Variants in RAB10 observed in about 807,000 individuals in gnomAD.
RAB10 encodes ras-related protein Rab-10.
RAB10 carries 5 observed loss-of-function variants against 25.7 expected under a neutral mutation model. That is an observed-to-expected ratio of 0.19 (90% CI 0.10 to 0.41). The LOEUF is 0.41. RAB10 is among the 10% of genes least tolerant of loss of function. The pLI is 1.00. For synonymous variants in RAB10, 89 were observed against 86.4 expected (o/e 1.03, Z -0.16); for missense variants, 103 against 245.8 (o/e 0.42, Z 3.89).
At chr2:26,057,448 A>G (rs78151075) in intron 1 of RAB10, among the ~76,000 whole-genome samples, 6 of 151,646 alleles carry the variant, frequency 4.0e-5, no homozygotes, top group African/African-American at 1.5e-4. Flanking sequence ...AAAAAAAAAA[A>G]TTAAAAAATA....
chr2:26,053,776 A>G (rs1005552544), intron 1 of RAB10, among the ~76,000 whole-genome samples: 17 of 151,952 alleles, frequency 1.1e-4, no homozygotes, highest in African/African-American at 3.9e-4. Flanking sequence ...CTGGAGTGCA[A>G]TGGCACAGTC....
rs1265110457 is a variant in RAB10 at position 26,136,445 on chromosome 2, G to A, written c.*1424G>A. On this transcript the variant is annotated 3_prime_UTR_variant, in exon 6 of 6. Transcript: ENST00000264710. ...CCTTTTGGAAAACTTGTATTACCAT[G>A]GGTTTGGAAAAAGGACAACGAAAGG... The A allele has an allele frequency of 6.6e-6, 1 of 152,532 alleles. No homozygotes were observed. The highest frequency in any genetic ancestry group is 6.6e-5 in the Admixed American group (1 of 15,264). 9.4% of individuals were successfully genotyped at this position (152,532 alleles called of 1,614,324 possible). A position where few individuals can be genotyped will look rare whatever the true frequency, so the allele number is the denominator to read the frequency against.
upstream of RAB10, among the ~76,000 whole-genome samples, chr2:26,033,811 G>C (rs959245976): frequency 6.6e-6 from 1 of 152,050 alleles, no homozygotes; most frequent in African/African-American, 2.4e-5. Context: ...CGGAGGGGGG[G>C]CGCTGCGCCT....
chr2:26,060,981 G>C (rs1461563353), intron 1 of RAB10, among the ~76,000 whole-genome samples: 1 of 150,518 alleles, frequency 6.6e-6, no homozygotes, highest in African/African-American at 2.4e-5. Context: ...AGTGGTTATA[G>C]ACAGACTAGA....
intron 1 of RAB10, among the ~76,000 whole-genome samples, chr2:26,049,411 C>CT (rs113360769): frequency 0.034 from 4,874 of 141,800 alleles, 199 homozygotes; most frequent in African/African-American, 0.099. Context: ...TTTTTTCCCT[C>CT]TTTTTTTTTT....
intron 2 of RAB10, among the ~76,000 whole-genome samples, chr2:26,103,918 T>C (rs1025459526): frequency 6.6e-6 from 1 of 152,204 alleles, no homozygotes; most frequent in Non-Finnish European, 1.5e-5. Flanking sequence ...AGTACTTCAT[T>C]CTTTTTTTTT....
At chr2:26,091,077 G>C (rs888677427) in intron 1 of RAB10, among the ~76,000 whole-genome samples, 1 of 151,986 alleles carries the variant, frequency 6.6e-6, no homozygotes, top group Admixed American at 6.6e-5. Flanking sequence ...TGTTTCTCAG[G>C]GACTCTTTAA....
Position 26,099,144 on chromosome 2 carries a change from C to T in RAB10, c.188+422C>T, listed in dbSNP as rs549969067. ...TGTGTTAGGTTTGCCTGAAGAAGTA[C>T]AAACCTTTGAATTTGTATTTGTCTG... is the stretch of plus-strand genomic sequence containing the variant. On this transcript the variant is annotated intron_variant, in intron 2 of 5. Coordinates refer to ENST00000264710, the MANE Select transcript of RAB10 (RefSeq NM_016131.5). Among the ~76,000 whole-genome samples, 100 of 152,088 alleles carry T rather than the reference C, an allele frequency of 6.6e-4. 1 individual carries two copies. Among genetic ancestry groups the T allele is most frequent in the Non-Finnish European group, 1.2e-3 (80 of 68,014 alleles).
intron 5 of RAB10, among the ~76,000 whole-genome samples, chr2:26,129,948 A>T (rs1396780972): frequency 6.6e-6 from 1 of 152,218 alleles, no homozygotes; most frequent in Admixed American, 6.5e-5. Context: ...AGATTATATG[A>T]TACCAAACAT....
chr2:26,082,171 A>T (rs963428087), intron 1 of RAB10, among the ~76,000 whole-genome samples: 2 of 152,178 alleles, frequency 1.3e-5, no homozygotes, highest in African/African-American at 2.4e-5. Context: ...ATTTTAAAAA[A>T]CAATAATAGC....
intron 1 of RAB10, among the ~76,000 whole-genome samples, chr2:26,047,591 A>C (rs1243408124): frequency 6.7e-6 from 1 of 149,068 alleles, no homozygotes; most frequent in African/African-American, 2.5e-5. Context: ...TAATTTTTGT[A>C]TTTTTAGTAG....
intron 1 of RAB10, among the ~76,000 whole-genome samples, chr2:26,084,443 T>A (rs796669594): frequency 6.6e-6 from 1 of 152,196 alleles, no homozygotes; most frequent in African/African-American, 2.4e-5. Flanking sequence ...GTGAATGATA[T>A]CGCAATAATG....
At chr2:26,126,125 A>G (rs916191479) in intron 3 of RAB10, among the ~76,000 whole-genome samples, 17 of 152,068 alleles carry the variant, frequency 1.1e-4, no homozygotes, top group Non-Finnish European at 1.5e-5. Flanking sequence ...TCCTTTCCCT[A>G]TTGACTGATT....
intron 1 of RAB10, among the ~76,000 whole-genome samples, chr2:26,096,040 A>G (rs72858225): frequency 1.6e-3 from 237 of 152,324 alleles, no homozygotes; most frequent in African/African-American, 5.4e-3. Flanking sequence ...GTGTACAGCA[A>G]TTTCTCTTGG....
intron 1 of RAB10, among the ~76,000 whole-genome samples, chr2:26,056,085 C>T (rs767396974): frequency 6.6e-6 from 1 of 151,670 alleles, no homozygotes; most frequent in Admixed American, 6.6e-5. Context: ...GAGATGAGAT[C>T]TCTCTATGTT....
intron 1 of RAB10, among the ~76,000 whole-genome samples, chr2:26,080,399 T>C (rs983748678): frequency 1.3e-5 from 2 of 152,128 alleles, no homozygotes; most frequent in African/African-American, 4.8e-5. Context: ...GGCAAAAATA[T>C]GATGAGAAAC....
intron 2 of RAB10, chr2:26,101,959 A>AT (rs749379691): frequency 4.6e-5 from 7 of 152,226 alleles, no homozygotes; most frequent in Non-Finnish European, 8.8e-5. Flanking sequence ...GGAACTCGTC[A>AT]TGTCTTTGAT....
At chr2:26,082,530 T>G (rs938581251) in intron 1 of RAB10, among the ~76,000 whole-genome samples, 6 of 152,132 alleles carry the variant, frequency 3.9e-5, no homozygotes, top group African/African-American at 1.4e-4. Flanking sequence ...GGAGAAATAA[T>G]CTATAATTGT....
At chr2:26,036,857 T>C (rs1009604129) in intron 1 of RAB10, among the ~76,000 whole-genome samples, 7 of 151,182 alleles carry the variant, frequency 4.6e-5, no homozygotes. Flanking sequence ...TGGCGTGATC[T>C]CGGCCCACTG....
Sources: gnomAD v4.1 joint callset for allele counts (sites outside exome capture counted in the v4.1 genomes callset) on GRCh38, gnomAD v4.1.1 for gene constraint, MANE v1.5 for transcripts, NCBI Gene and HGNC (gene_info 2026-07-23, HGNC 2026-07-21) for gene names.